PELP1: variants seen among roughly 807,000 people sequenced by gnomAD.
PELP1 encodes proline, glutamate and leucine rich protein 1, also known as proline-, glutamic acid- and leucine-rich protein 1.
In PELP1, 32 loss-of-function variants were observed where a neutral mutation model predicts 95.5. The observed-to-expected ratio is 0.34, with a 90% CI of 0.25 to 0.45. The LOEUF (loss-of-function observed/expected upper bound fraction) is 0.45, where lower values mean the gene tolerates loss of function less well. PELP1 is among the 20% of genes least tolerant of loss of function. PELP1 has a pLI of 1.00. For missense variants in PELP1, 1,358 were observed against 1,444.8 expected (o/e 0.94, Z 0.97); for synonymous variants, 668 against 600.1 (o/e 1.11, Z -1.65).
chr17:4,683,365 C>A (rs141521609), intron 3 of PELP1, among the ~76,000 whole-genome samples: 1 of 151,280 alleles, frequency 6.6e-6, no homozygotes, highest in Non-Finnish European at 1.5e-5. Context: ...AGACTACAAG[C>A]GCCCGCCACC....
chr17:4,697,415 G>A (rs1166788120), intron 1 of PELP1, among the ~76,000 whole-genome samples: 1 of 152,152 alleles, frequency 6.6e-6, no homozygotes, highest in African/African-American at 2.4e-5. Flanking sequence ...CCAGAAGGCT[G>A]AGCAGGGCGG....
intron 1 of PELP1, among the ~76,000 whole-genome samples, chr17:4,696,006 A>AT (rs1267451629): frequency 1.7e-5 from 2 of 119,484 alleles, no homozygotes; most frequent in Non-Finnish European, 3.4e-5. Flanking sequence ...ACTGATAACC[A>AT]TAAAAAAAAG....
At chr17:4,691,203 G>A in intron 2 of PELP1, 175 bp downstream of exon 2, 1 of 646,486 alleles carries the variant, frequency 1.5e-6, no homozygotes. Context: ...TCTGGGAGCT[G>A]GAAAAGGTAG....
chr17:4,683,506 A>ACC (rs1567664430), intron 3 of PELP1, among the ~76,000 whole-genome samples: 3 of 129,008 alleles, frequency 2.3e-5, no homozygotes, highest in African/African-American at 5.7e-5. Context: ...GGTGTGAGCC[A>ACC]TCACGCCCAG....
rs1227453948 is a variant in PELP1 at position 4,683,046 on chromosome 17, C to T, written c.421-94G>A. On this transcript the variant is annotated intron_variant, in intron 3 of 16. Coordinates refer to ENST00000572293, the MANE Select transcript of PELP1 (RefSeq NM_014389.3). ...AATACAAGCCTTCTGAGGAATGCCA[C>T]GGTTAATGTCAGTCTGACCATCCAA... is the stretch of plus-strand genomic sequence containing the variant. The T allele has an allele frequency of 5.1e-6, 7 of 1,368,472 alleles. No individual in the cohort carries two copies. In the African/African-American group the frequency reaches 5.9e-5, roughly 12 times the overall value. The allele number at this position is 1,368,472 out of a possible 1,614,324, so 84.8% of individuals were successfully genotyped here. A position where few individuals can be genotyped will look rare whatever the true frequency, so the allele number is the denominator to read the frequency against.
chr17:4,693,876 G>A (rs182656411), intron 1 of PELP1, among the ~76,000 whole-genome samples: 1 of 152,238 alleles, frequency 6.6e-6, no homozygotes, highest in South Asian at 2.1e-4. Flanking sequence ...GATAAGAGGG[G>A]ACTATTGCAT....
intron 5 of PELP1, among the ~76,000 whole-genome samples, chr17:4,677,272 C>T (rs1433478096): frequency 6.6e-6 from 1 of 152,140 alleles, no homozygotes; most frequent in Non-Finnish European, 1.5e-5. Flanking sequence ...GGCAGCAAGT[C>T]TCGGAGTAGC....
intron 1 of PELP1, among the ~76,000 whole-genome samples, chr17:4,702,090 C>T (rs1277295303): frequency 1.3e-5 from 2 of 152,010 alleles, no homozygotes; most frequent in African/African-American, 4.8e-5. Flanking sequence ...CATTTATAGG[C>T]GGGATAGGTA....
intron 12 of PELP1, 58 bp downstream of exon 12, chr17:4,674,751 G>A: frequency 1.9e-6 from 3 of 1,587,688 alleles, no homozygotes; most frequent in Non-Finnish European, 2.6e-6. Context: ...TTCCTGAGCA[G>A]GCACACTTGG....
chr17:4,701,795 A>G (rs1913551254), intron 1 of PELP1, among the ~76,000 whole-genome samples: 1 of 152,254 alleles, frequency 6.6e-6, no homozygotes, highest in African/African-American at 2.4e-5. Flanking sequence ...CAGATACTCA[A>G]TAAATGTTTG....
intron 1 of PELP1, among the ~76,000 whole-genome samples, chr17:4,694,816 C>T (rs1025523546): frequency 5.5e-5 from 7 of 128,344 alleles, no homozygotes; most frequent in African/African-American, 2.1e-4. Context: ...ACTAAAAATA[C>T]AAAAATTAGC....
chr17:4,677,368 T>C (rs1226296071), intron 5 of PELP1, among the ~76,000 whole-genome samples: 1 of 152,174 alleles, frequency 6.6e-6, no homozygotes, highest in Non-Finnish European at 1.5e-5. Flanking sequence ...TTTAGTTGGA[T>C]ATACAATCAT....
intron 5 of PELP1, among the ~76,000 whole-genome samples, chr17:4,679,030 AC>A (rs1244688344): frequency 1.4e-5 from 2 of 142,600 alleles, no homozygotes; most frequent in Non-Finnish European, 3.2e-5. Context: ...TCTCCAGATG[AC>A]CTTTTTTTTT....
intron 3 of PELP1, among the ~76,000 whole-genome samples, chr17:4,685,656 G>C (rs1471986325): frequency 2.6e-5 from 4 of 151,880 alleles, no homozygotes. Context: ...AGCGGGGGGT[G>C]GTGGTACACG....
At chr17:4,678,204 ACT>A (rs1912564880) in intron 5 of PELP1, among the ~76,000 whole-genome samples, 1 of 151,918 alleles carries the variant, frequency 6.6e-6, no homozygotes, top group South Asian at 2.1e-4. Context: ...ACAGAGCAAG[ACT>A]CTGTCTCAGA....
Position 4,675,463 on chromosome 17 carries a change from A to T in PELP1, c.1069-101T>A, listed in dbSNP as rs771321493. On this transcript the variant is annotated intron_variant, in intron 9 of 16. Transcript: ENST00000572293. This position sits in a 1 kb window ranked among gnomAD's most constrained non-coding sequence, Gnocchi z 4.3. ...CCATTTACATATGTACACATAGGTA[A>T]GAAACCCAACCCCTGATCTCAGCTC... 13 of 799,604 alleles carry T rather than the reference A, an allele frequency of 1.6e-5. No homozygotes were observed. The highest frequency in any genetic ancestry group is 2.5e-5 in the Non-Finnish European group (12 of 472,652). The allele number at this position is 799,604 out of a possible 1,614,324, so 49.5% of individuals were successfully genotyped here. A position where few individuals can be genotyped will look rare whatever the true frequency, so the allele number is the denominator to read the frequency against.
intron 1 of PELP1, among the ~76,000 whole-genome samples, chr17:4,695,733 C>G: frequency 6.8e-6 from 1 of 148,078 alleles, no homozygotes; most frequent in East Asian, 2.0e-4. Context: ...AATCCCAGCA[C>G]TTGGGGAGGC....
intron 6 of PELP1, 23 bp downstream of exon 6, chr17:4,676,730 C>T (rs1467953670): frequency 6.4e-7 from 1 of 1,555,334 alleles, no homozygotes; most frequent in East Asian, 2.4e-5. Context: ...CCCGGGCTCT[C>T]CCTCTCCCTC....
chr17:4,690,497 G>A (rs1300246379), intron 3 of PELP1, among the ~76,000 whole-genome samples: 1 of 152,102 alleles, frequency 6.6e-6, no homozygotes, highest in Admixed American at 6.6e-5. Flanking sequence ...TGAGGCAGGC[G>A]GATCACTTGA....
Sources: allele counts gnomAD v4.1 joint callset (sites outside exome capture counted in the v4.1 genomes callset), GRCh38; gene constraint gnomAD v4.1.1; non-coding constraint Gnocchi (gnomAD v3.1); transcripts MANE v1.5; gene names NCBI Gene and HGNC (gene_info 2026-07-23, HGNC 2026-07-21).